CYBRD1: variants seen among roughly 807,000 people sequenced by gnomAD.
The protein encoded by CYBRD1 is plasma membrane ascorbate-dependent reductase CYBRD1.
CYBRD1 carries 14 observed loss-of-function variants against 21.9 expected under a neutral mutation model. That is an observed-to-expected ratio of 0.64 (90% CI 0.42 to 1.00). The LOEUF (loss-of-function observed/expected upper bound fraction) is 1.00, where lower values mean the gene tolerates loss of function less well. CYBRD1 is among the 50% of genes least tolerant of loss of function. CYBRD1 has a pLI of 0.00. For missense variants in CYBRD1, 328 were observed against 352.5 expected (o/e 0.93, Z 0.56); for synonymous variants, 146 against 136.5 (o/e 1.07, Z -0.48).
In CYBRD1 at chr2:171,555,641, T is replaced by G. The variant is rs954565663; in HGVS notation, c.*814T>G. On this transcript the variant is annotated 3_prime_UTR_variant, in exon 4 of 4. Coordinates refer to ENST00000321348, the MANE Select transcript of CYBRD1 (RefSeq NM_024843.4). The stretch of plus-strand genomic sequence containing the variant: ...GAGAGCACTTTTCCCCAAGTTCTTG[T>G]TTTTATTTTTGAAAGTACTCACACA... 1 of 152,318 alleles carries G rather than the reference T, an allele frequency of 6.6e-6. No individual in the cohort carries two copies. Among genetic ancestry groups the G allele is most frequent in the African/African-American group, 2.4e-5 (1 of 41,468 alleles). 9.4% of individuals were successfully genotyped at this position (152,318 alleles called of 1,614,324 possible).
At chr2:171,537,887 A>G (rs1216813002) in intron 1 of CYBRD1, among the ~76,000 whole-genome samples, 1 of 152,244 alleles carries the variant, frequency 6.6e-6, no homozygotes, top group Non-Finnish European at 1.5e-5. Flanking sequence ...GTTTGAGGTG[A>G]TAAATATGCT....
At chr2:171,538,188 A>G (rs1697573318) in intron 1 of CYBRD1, among the ~76,000 whole-genome samples, 1 of 152,210 alleles carries the variant, frequency 6.6e-6, no homozygotes, top group Non-Finnish European at 1.5e-5. Flanking sequence ...TCTTGAACCC[A>G]GGAAGTCGAG....
chr2:171,527,206 T>C (rs780729288), intron 1 of CYBRD1, among the ~76,000 whole-genome samples: 1 of 152,180 alleles, frequency 6.6e-6, no homozygotes, highest in Non-Finnish European at 1.5e-5. Context: ...AAAGAGATGA[T>C]TTAAAGCAAT....
intron 1 of CYBRD1, among the ~76,000 whole-genome samples, chr2:171,529,198 C>T (rs547738670): frequency 6.6e-6 from 1 of 152,166 alleles, no homozygotes; most frequent in South Asian, 2.1e-4. Flanking sequence ...TATACAGCAC[C>T]CACCAGGGTG....
chr2:171,541,232 CT>C (rs1697626202), intron 1 of CYBRD1: 1 of 358,372 alleles, frequency 2.8e-6, no homozygotes, highest in South Asian at 2.6e-5. Flanking sequence ...CAGTTCTGGG[CT>C]GGAGATATAA....
chr2:171,531,509 G>A (rs13019199), intron 1 of CYBRD1, among the ~76,000 whole-genome samples: 44,859 of 151,816 alleles, frequency 0.3, 7,087 homozygotes, highest in Non-Finnish European at 0.35. Context: ...GTGTAGTGGC[G>A]AAATCATGAC....
intron 1 of CYBRD1, among the ~76,000 whole-genome samples, chr2:171,533,032 G>T (rs1427200090): frequency 3.3e-5 from 5 of 151,832 alleles, no homozygotes; most frequent in Non-Finnish European, 7.4e-5. Flanking sequence ...AATACTGAAT[G>T]AACTACTGTG....
At chr2:171,531,221 C>A (rs1697461308) in intron 1 of CYBRD1, among the ~76,000 whole-genome samples, 1 of 150,686 alleles carries the variant, frequency 6.6e-6, no homozygotes. Flanking sequence ...ATAGAGACTT[C>A]CTTAAAAGGT....
chr2:171,524,048 G>C (rs1426062587), intron 1 of CYBRD1, among the ~76,000 whole-genome samples: 1 of 152,188 alleles, frequency 6.6e-6, no homozygotes, highest in East Asian at 1.9e-4. Context: ...AAAGAAAAGT[G>C]ATTTTGGCTT....
chr2:171,530,395 GAC>G (rs560478839), intron 1 of CYBRD1, among the ~76,000 whole-genome samples: 98 of 152,340 alleles, frequency 6.4e-4, no homozygotes, highest in African/African-American at 2.3e-3. Context: ...TCTCAGTCCA[GAC>G]ACAGTTTACC....
In CYBRD1 at chr2:171,536,133, CTTTT is replaced by C. The variant is rs71013042; in HGVS notation, c.194-5436_194-5433del. 7.5e-3 allele frequency among the ~76,000 whole-genome samples: 827 copies of C among 110,264 alleles called. 7 individuals are homozygous for C. The highest frequency in any genetic ancestry group is 0.028 in the African/African-American group (791 of 28,070). The allele number at this position is 110,264 out of a possible 152,430, so 72.3% of individuals were successfully genotyped here. A position where few individuals can be genotyped will look rare whatever the true frequency, so the allele number is the denominator to read the frequency against. On this transcript the variant is annotated intron_variant, in intron 1 of 3. Transcript: ENST00000321348. Reference sequence around the variant, plus strand: ...GAGTCATGATATCATGATAGTTACTCTTTTTTTTTTTTTTTTTTTGAGACAGTGT... The same window carrying C: ...GAGTCATGATATCATGATAGTTACTCTTTTTTTTTTTTTTTGAGACAGTGT...
chr2:171,550,191 C>T (rs908694021), intron 2 of CYBRD1, among the ~76,000 whole-genome samples: 19 of 152,184 alleles, frequency 1.2e-4, no homozygotes, highest in South Asian at 4.1e-4. Context: ...CTGCAACCTC[C>T]GCCATCCGGG....
intron 1 of CYBRD1, among the ~76,000 whole-genome samples, 171 bp from the exon 2 acceptor site, chr2:171,541,414 G>A (rs1697628954): frequency 1.3e-5 from 2 of 152,058 alleles, no homozygotes; most frequent in African/African-American, 4.8e-5. Context: ...CTCCTCCACC[G>A]TCCCCTAGAG....
chr2:171,530,016 T>A (rs1367114187), intron 1 of CYBRD1, among the ~76,000 whole-genome samples: 1 of 152,050 alleles, frequency 6.6e-6, no homozygotes, highest in African/African-American at 2.4e-5. Context: ...GGTGCCCTTA[T>A]AAGAGAAAGG....
chr2:171,523,308 C>A, intron 1 of CYBRD1: 1 of 417,502 alleles, frequency 2.4e-6, no homozygotes, highest in Admixed American at 2.9e-5. Flanking sequence ...CATCCTCGGC[C>A]CTGGGTAAAG....
chr2:171,553,367 T>C lies in CYBRD1; in HGVS notation c.424T>C (p.Phe142Leu), dbSNP rs767611054. The stretch of plus-strand genomic sequence containing the variant: ...TTAGCTTCTTTCAGGTTTTTCAGTC[T>C]TTCTGCTTCCATGGGCTCCGCTTTC... ...LLQLLSGFSV[F>L]LLPWAPLSLR... Residue 142 changes from phenylalanine (F) to leucine (L), a missense_variant, in exon 3 of 4, where the codon TTT becomes CTT. By Grantham distance (22) the Phe-to-Leu change is conservative (BLOSUM62 0). Transcript: ENST00000321348. The C allele has an allele frequency of 1.2e-6, 2 of 1,613,686 alleles. No homozygotes were observed. The highest frequency in any genetic ancestry group is 1.7e-6 in the Non-Finnish European group (2 of 1,179,708).
At chr2:171,536,825 T>C (rs907399526) in intron 1 of CYBRD1, among the ~76,000 whole-genome samples, 1 of 152,186 alleles carries the variant, frequency 6.6e-6, no homozygotes, top group Non-Finnish European at 1.5e-5. Context: ...GCTACTGTGG[T>C]TCATTGTTCA....
chr2:171,553,134 G>A (rs528241886), intron 2 of CYBRD1, among the ~76,000 whole-genome samples: 1 of 152,340 alleles, frequency 6.6e-6, no homozygotes, highest in Non-Finnish European at 1.5e-5. Context: ...AGAACAATAT[G>A]TATAGGGATA....
chr2:171,555,176 G>T lies in CYBRD1; in HGVS notation c.*349G>T, dbSNP rs16859496. On this transcript the variant is annotated 3_prime_UTR_variant, in exon 4 of 4. Coordinates refer to ENST00000321348, the MANE Select transcript of CYBRD1 (RefSeq NM_024843.4). Reference sequence around the variant, plus strand: ...AAACTGGCAGCATCCCTGGCCTGTTGTCATGCAGTCATTTCCTGTTAATTC... The same window carrying T: ...AAACTGGCAGCATCCCTGGCCTGTTTTCATGCAGTCATTTCCTGTTAATTC... 2,497 of 299,008 alleles carry T rather than the reference G, an allele frequency of 8.4e-3. 59 individuals carry two copies. The highest frequency in any genetic ancestry group is 0.05 in the African/African-American group (2,268 of 45,468). The allele number at this position is 299,008 out of a possible 1,614,324, so 18.5% of individuals were successfully genotyped here. A position where few individuals can be genotyped will look rare whatever the true frequency, so the allele number is the denominator to read the frequency against.
Sources: gnomAD v4.1 joint callset for allele counts (sites outside exome capture counted in the v4.1 genomes callset) on GRCh38, gnomAD v4.1.1 for gene constraint, MANE v1.5 for transcripts, NCBI Gene and HGNC (gene_info 2026-07-23, HGNC 2026-07-21) for gene names.